The following PTPRA variants were observed in gnomAD, a reference collection of about 807,000 sequenced individuals.
The protein encoded by PTPRA is receptor-type tyrosine-protein phosphatase alpha.
In PTPRA, 25 loss-of-function variants were observed where a neutral mutation model predicts 104.8. That is an observed-to-expected ratio of 0.24 (90% confidence interval 0.17 to 0.33). PTPRA has a LOEUF of 0.33. Ranked by LOEUF, PTPRA falls within the 10% of genes least tolerant of loss-of-function variation. The pLI is 1.00. For synonymous variants in PTPRA, 323 were observed against 368.9 expected (o/e 0.88, Z 1.43); for missense variants, 765 against 1,015.3 (o/e 0.75, Z 3.35).
At chr20:3,001,563 A>G (rs2063626652) in intron 9 of PTPRA, among the ~76,000 whole-genome samples, 1 of 151,336 alleles carries the variant, frequency 6.6e-6, no homozygotes, top group South Asian at 2.1e-4. Flanking sequence ...CTGACATCTC[A>G]TCCTGCCCTG....
intron 20 of PTPRA, among the ~76,000 whole-genome samples, chr20:3,028,792 T>G (rs750084600): frequency 9.2e-5 from 14 of 152,164 alleles, no homozygotes; most frequent in Admixed American, 4.6e-4. Flanking sequence ...TGAAGAGCCC[T>G]TGACAACATC....
chr20:2,997,776 A>G (rs576962333), intron 9 of PTPRA, among the ~76,000 whole-genome samples: 1 of 152,342 alleles, frequency 6.6e-6, no homozygotes, highest in East Asian at 1.9e-4. Context: ...CCCCATTTTC[A>G]GGGAAAATTG....
intron 1 of PTPRA, among the ~76,000 whole-genome samples, chr20:2,892,429 A>G (rs1247225858): frequency 6.6e-6 from 1 of 152,132 alleles, no homozygotes; most frequent in Non-Finnish European, 1.5e-5. Flanking sequence ...AGCTGGTGTG[A>G]TATACGTATT....
chr20:2,907,946 G>A (rs527313357), intron 1 of PTPRA, among the ~76,000 whole-genome samples: 4 of 150,854 alleles, frequency 2.7e-5, no homozygotes, highest in Non-Finnish European at 5.9e-5. Flanking sequence ...TAATTTTTTT[G>A]TTACCTGTCT....
chr20:2,975,075 G>T, intron 5 of PTPRA, 140 bp from the exon 6 acceptor site: 1 of 690,186 alleles, frequency 1.4e-6, no homozygotes, highest in African/African-American at 1.8e-5. Flanking sequence ...AATCTGGGCA[G>T]CCTTGTTTCC....
intron 11 of PTPRA, among the ~76,000 whole-genome samples, chr20:3,014,101 A>C (rs560283202): frequency 1.3e-5 from 2 of 152,306 alleles, no homozygotes; most frequent in African/African-American, 4.8e-5. Context: ...ATTCTTAAGG[A>C]CTTCTCAGTT....
At chr20:2,945,356 G>A (rs760075748) in intron 2 of PTPRA, among the ~76,000 whole-genome samples, 7 of 152,102 alleles carry the variant, frequency 4.6e-5, no homozygotes, top group Non-Finnish European at 8.8e-5. Flanking sequence ...GAGGATTTAC[G>A]TTTGTTTCTA....
chr20:2,966,159 T>G (rs2061938249), intron 5 of PTPRA, among the ~76,000 whole-genome samples: 1 of 152,184 alleles, frequency 6.6e-6, no homozygotes, highest in Non-Finnish European at 1.5e-5. Context: ...CTCAGACCCT[T>G]CACCTGCCAG....
In PTPRA at chr20:2,873,646, G is replaced by A. The variant is rs1033990796; in HGVS notation, c.-243G>A. The A allele has an allele frequency of 2.7e-5, 4 of 150,422 alleles. No individual in the cohort carries two copies. The highest frequency in any genetic ancestry group is 7.3e-5 in the African/African-American group (3 of 41,202). The allele number at this position is 150,422 out of a possible 1,614,324, so 9.3% of individuals were successfully genotyped here. A position where few individuals can be genotyped will look rare whatever the true frequency, so the allele number is the denominator to read the frequency against. ...GGCCGCCGCCGCCGCCGCGGGGCTC[G>A]GAGCCGCGGGCCGGGCGGCGGCCCT... On this transcript the variant is annotated 5_prime_UTR_variant, in exon 1 of 24. Transcript: ENST00000399903. The surrounding 1 kb of genome is among the most constrained non-coding windows in gnomAD (Gnocchi z 4.4).
intron 2 of PTPRA, among the ~76,000 whole-genome samples, chr20:2,927,537 T>C (rs1487228334): frequency 6.6e-6 from 1 of 152,200 alleles, no homozygotes; most frequent in Admixed American, 6.5e-5. Flanking sequence ...AACCATACAC[T>C]GTGGCCCAAA....
At chr20:2,956,481 T>C (rs2061540540) in intron 3 of PTPRA, among the ~76,000 whole-genome samples, 1 of 152,102 alleles carries the variant, frequency 6.6e-6, no homozygotes, top group Admixed American at 6.5e-5. Context: ...GTGATGTCCT[T>C]ACCTAGGTCT....
intron 1 of PTPRA, among the ~76,000 whole-genome samples, chr20:2,876,743 C>A (rs751927152): frequency 1.3e-5 from 2 of 152,178 alleles, no homozygotes; most frequent in Non-Finnish European, 1.5e-5. Flanking sequence ...GATTTGCAGA[C>A]ATGGAGCCAA....
chr20:2,992,077 T>A (rs2063198994), intron 9 of PTPRA, among the ~76,000 whole-genome samples: 1 of 152,220 alleles, frequency 6.6e-6, no homozygotes, highest in African/African-American at 2.4e-5. Context: ...TTTTTCTTCT[T>A]CAGTTAACTG....
At chr20:2,892,042 C>T (rs766140935) in intron 1 of PTPRA, among the ~76,000 whole-genome samples, 25 of 152,022 alleles carry the variant, frequency 1.6e-4, no homozygotes, top group Non-Finnish European at 3.2e-4. Flanking sequence ...GTAATCCCAG[C>T]ACTTTGGGAG....
At chr20:2,990,188 A>AGTT (rs1328737314) in intron 9 of PTPRA, among the ~76,000 whole-genome samples, 1 of 152,236 alleles carries the variant, frequency 6.6e-6, no homozygotes, top group African/African-American at 2.4e-5. Flanking sequence ...ACAGAGGAGC[A>AGTT]GTTCCAGAGT....
At chr20:2,885,798 G>T (rs1185155351) in intron 1 of PTPRA, among the ~76,000 whole-genome samples, 2 of 152,330 alleles carry the variant, frequency 1.3e-5, no homozygotes, top group East Asian at 3.9e-4. Flanking sequence ...GGGCGTGGTG[G>T]CCCACGCCTG....
At chr20:2,934,196 C>T (rs1049598236) in intron 2 of PTPRA, among the ~76,000 whole-genome samples, 2 of 152,098 alleles carry the variant, frequency 1.3e-5, no homozygotes, top group Admixed American at 1.3e-4. Context: ...ATCTACCTCC[C>T]CAGGCTCAGG....
At chr20:2,892,591 G>GTGTA (rs1174769374) in intron 1 of PTPRA, among the ~76,000 whole-genome samples, 1 of 152,166 alleles carries the variant, frequency 6.6e-6, no homozygotes, top group Non-Finnish European at 1.5e-5. Context: ...ATACTCCATG[G>GTGTA]TGTACTGTGT....
At chr20:2,928,043 A>G (rs763166508) in intron 2 of PTPRA, among the ~76,000 whole-genome samples, 3 of 152,180 alleles carry the variant, frequency 2.0e-5, no homozygotes, top group Non-Finnish European at 2.9e-5. Flanking sequence ...CTATCTTACC[A>G]GAGTTCATTC....
Sources: gnomAD v4.1 joint callset for allele counts (sites outside exome capture counted in the v4.1 genomes callset) on GRCh38, gnomAD v4.1.1 for gene constraint, Gnocchi (gnomAD v3.1) non-coding constraint, MANE v1.5 for transcripts, NCBI Gene and HGNC (gene_info 2026-07-23, HGNC 2026-07-21) for gene names.